NYNRIN: variants seen among roughly 807,000 people sequenced by gnomAD.
NYNRIN encodes NYN domain and retroviral integrase containing, also known as protein NYNRIN.
Under a neutral mutation model 146.6 loss-of-function variants are expected in NYNRIN, and 86 were observed. That is an observed-to-expected ratio of 0.59 (90% confidence interval 0.49 to 0.70). The LOEUF (loss-of-function observed/expected upper bound fraction) is 0.70. NYNRIN is among the 30% of genes least tolerant of loss of function. The pLI is 0.00. For synonymous variants in NYNRIN, 1,027 were observed against 1,001.3 expected, an observed-to-expected ratio of 1.03 and a Z score of -0.48; for missense variants, 2,191 against 2,377.7, an observed-to-expected ratio of 0.92 and a Z score of 1.63.
rs778419782 is a variant in NYNRIN, at chr14:24,415,616, C to A, written c.3867C>A (p.Ala1289=). The A allele has an allele frequency of 1.9e-6, 3 of 1,614,018 alleles. No homozygotes were observed. Among genetic ancestry groups the A allele is most frequent in the Non-Finnish European group, 2.5e-6 (3 of 1,179,902 alleles). ...AGAACCGCCTGCTCACCCCCGCGGC[C>A]TCCATGCCTCGCTTCTTCCAGGTTC... ...LGENRLLTPA[A]SMPRFFQVLP... is the part of the protein sequence containing the mutation. Residue 1289 remains alanine, a synonymous_variant, in exon 9 of 9, where the codon GCC becomes GCA. Coordinates refer to ENST00000382554, the MANE Select transcript of NYNRIN (RefSeq NM_025081.3).
chr14:24,408,267 G>T lies in NYNRIN; in HGVS notation c.597G>T (p.Lys199Asn). Reference protein sequence around the residue: ...LLSLVRDAAGKEDIIEWLSRF... With the variant: ...LLSLVRDAAGNEDIIEWLSRF... ...GCCTGGTGCGGGATGCTGCGGGCAAGGAAGACATCATCGAGTGGCTCAGCC... is the reference window on the plus strand; with the variant it reads ...GCCTGGTGCGGGATGCTGCGGGCAATGAAGACATCATCGAGTGGCTCAGCC... Residue 199 changes from lysine (K) to asparagine (N), a missense_variant, in exon 3 of 9, where the codon AAG becomes AAT. Transcript: ENST00000382554. 1 of 1,611,126 alleles carries T rather than the reference G, an allele frequency of 6.2e-7. No individual in the cohort carries two copies. Among genetic ancestry groups the T allele is most frequent in the Non-Finnish European group, 8.5e-7 (1 of 1,179,836 alleles).
Position 24,413,355 on chromosome 14 carries a change from G to A in NYNRIN, c.2784G>A (p.Val928=). Residue 928 remains valine, a synonymous_variant, in exon 8 of 9, where the codon GTG becomes GTA. Transcript: ENST00000382554. ...PFTFAGNLFM[V]PDDPLGRDGP... ...CCTTTGCGGGGAATCTCTTCATGGT[G>A]CCTGATGACCCCCTGGGCCGTGATG... 6.2e-7 allele frequency: 1 copy of A among 1,613,600 alleles called. No homozygotes were observed. The highest frequency in any genetic ancestry group is 8.5e-7 in the Non-Finnish European group (1 of 1,179,748).
At chr14:24,403,329 A>G (rs901702773) in intron 2 of NYNRIN, among the ~76,000 whole-genome samples, 6 of 152,170 alleles carry the variant, frequency 3.9e-5, no homozygotes, top group East Asian at 1.9e-4. Flanking sequence ...AGGTCAGTCT[A>G]TCAGTTCAAG....
rs139716312 is a variant in NYNRIN at position 24,407,967 on chromosome 14, G to T, written c.297G>T (p.Leu99=). Residue 99 remains leucine (L), a synonymous_variant, in exon 3 of 9, where the codon CTG becomes CTT. Transcript: ENST00000382554. ...CAFLGAQGLF[L]DCLCWSTLAY... Reference sequence around the variant, plus strand: ...TCCTTGGGGCCCAAGGCCTCTTCCTGGACTGCCTCTGCTGGAGCACCCTTG... The same window carrying T: ...TCCTTGGGGCCCAAGGCCTCTTCCTTGACTGCCTCTGCTGGAGCACCCTTG... 1 of 1,614,014 alleles carries T rather than the reference G, an allele frequency of 6.2e-7. No individual in the cohort carries two copies. The highest frequency in any genetic ancestry group is 8.5e-7 in the Non-Finnish European group (1 of 1,179,882).
In NYNRIN at chr14:24,409,699, A is replaced by G; in HGVS notation, c.1905A>G (p.Thr635=). The change falls in exon 4 of 9, where the codon ACA becomes ACG. Residue 635 remains threonine (T), a synonymous_variant. Transcript: ENST00000382554. ...PQAQKMPVAK[T]SPAGPKTPKA... ...CTCAGAAGATGCCTGTAGCAAAAACATCACCTGCAGGTCCCAAAACACCCA... is the reference window on the plus strand; with the variant it reads ...CTCAGAAGATGCCTGTAGCAAAAACGTCACCTGCAGGTCCCAAAACACCCA... The G allele has an allele frequency of 6.2e-7, 1 of 1,605,988 alleles. No homozygotes were observed. Among genetic ancestry groups the G allele is most frequent in the Non-Finnish European group, 8.5e-7 (1 of 1,176,174 alleles).
rs761563648 is a variant in NYNRIN at position 24,416,103 on chromosome 14, G to T, written c.4354G>T (p.Gly1452Cys). 8 of 1,613,982 alleles carry T rather than the reference G, an allele frequency of 5.0e-6. No homozygotes were observed. The highest frequency in any genetic ancestry group is 1.1e-5 in the South Asian group (1 of 91,090). Residue 1452 changes from glycine to cysteine, a missense_variant, in exon 9 of 9, where the codon GGT becomes TGT. Transcript: ENST00000382554. ...CCTGGCCAAGCAGGGTGCCCAGGGG[G>T]GTGGGCAGTGGTGGAGTTTGCCAAA... ...DTLAKQGAQG[G>C]GQWWSLPKDV...
chr14:24,409,405 TCAAA>T lies in NYNRIN; in HGVS notation c.1614_1617del (p.Thr539CysfsTer36). ...TGACAGATCAGTCAGTACCTGGAGC[TCAAA>T]CAGTGCCTGAAACTCTCAAAGTGCC... On this transcript the variant is annotated frameshift_variant, in exon 4 of 9. Transcript: ENST00000382554. LOFTEE classifies it high-confidence loss of function. 6.2e-7 allele frequency: 1 copy of T among 1,613,962 alleles called. No individual in the cohort carries two copies. Among genetic ancestry groups the T allele is most frequent in the South Asian group, 1.1e-5 (1 of 91,082 alleles).
At position 24,410,028 on chromosome 14, in the gene NYNRIN, T is replaced by G; in HGVS notation, c.2234T>G (p.Leu745Arg). 1 of 1,613,806 alleles carries G rather than the reference T, an allele frequency of 6.2e-7. No individual in the cohort carries two copies. Among genetic ancestry groups the G allele is most frequent in the Non-Finnish European group, 8.5e-7 (1 of 1,179,842 alleles). ...SKHQFQMEGL[L>R]GAWEGAPRQP... ...CACCAGTTTCAGATGGAGGGGCTCCTGGGGGCTTGGGAGGGGGCCCCAAGG... is the reference window on the plus strand; with the variant it reads ...CACCAGTTTCAGATGGAGGGGCTCCGGGGGGCTTGGGAGGGGGCCCCAAGG... The change falls in exon 4 of 9, where the codon CTG becomes CGG. Residue 745 changes from leucine to arginine, a missense_variant. Physicochemically the swap from Leu to Arg is moderately radical, Grantham distance 102 (BLOSUM62 -2). Transcript: ENST00000382554.
In NYNRIN at chr14:24,417,919, A is replaced by G. The variant is rs2042959830; in HGVS notation, c.*473A>G. ...CTCCCTCCAACCTGTTCTTTTGGGGACCCTTTGCCCTTAGAGCTGTCACAG... is the reference window on the plus strand; with the variant it reads ...CTCCCTCCAACCTGTTCTTTTGGGGGCCCTTTGCCCTTAGAGCTGTCACAG... On this transcript the variant is annotated 3_prime_UTR_variant, in exon 9 of 9. Transcript: ENST00000382554. 3 of 207,364 alleles carry G rather than the reference A, an allele frequency of 1.4e-5. No homozygotes were observed. The Admixed American group carries it at 1.6e-4, about 11-fold the overall frequency. 12.8% of individuals were successfully genotyped at this position (207,364 alleles called of 1,614,324 possible).
In NYNRIN at chr14:24,411,487, G is replaced by A. The variant is rs374012326; in HGVS notation, c.2642+37G>A. ...CCCAGGCCTGCCCTCCTGGGCTCAG[G>A]GAGTTGGGCCTGGCTGGTGTGTCAG... is the stretch of plus-strand genomic sequence containing the variant. On this transcript the variant is annotated intron_variant, in intron 6 of 8. Transcript: ENST00000382554. This position sits in a 1 kb window ranked among gnomAD's most constrained non-coding sequence, Gnocchi z 4.3. 3.2e-6 allele frequency: 5 copies of A among 1,579,718 alleles called. No individual in the cohort carries two copies. The highest frequency in any genetic ancestry group is 1.3e-5 in the African/African-American group (1 of 74,200).
chr14:24,410,383 A>G (rs2042905511), intron 4 of NYNRIN, among the ~76,000 whole-genome samples, 175 bp downstream of exon 4: 1 of 152,230 alleles, frequency 6.6e-6, no homozygotes, highest in Non-Finnish European at 1.5e-5. Context: ...GGCAGTGTGC[A>G]TGGAATCCTC....
intron 2 of NYNRIN, among the ~76,000 whole-genome samples, chr14:24,400,382 G>T (rs2042834195): frequency 6.6e-6 from 1 of 152,168 alleles, no homozygotes; most frequent in Non-Finnish European, 1.5e-5. Context: ...CTTCTTTGTA[G>T]GAATGCCACA....
Position 24,416,845 on chromosome 14 carries a change from C to T in NYNRIN, c.5096C>T (p.Ala1699Val). The T allele has an allele frequency of 6.2e-6, 10 of 1,608,876 alleles. No individual in the cohort carries two copies. The highest frequency in any genetic ancestry group is 7.6e-6 in the Non-Finnish European group (9 of 1,176,858). The change falls in exon 9 of 9, where the codon GCC becomes GTC. Residue 1699 changes from alanine (A) to valine (V), a missense_variant. Ala to Val is a moderately conservative substitution (Grantham distance 64). Coordinates refer to ENST00000382554, the MANE Select transcript of NYNRIN (RefSeq NM_025081.3). ...VLVSCGLALG[A>V]QVASLSRDLQ... Reference sequence around the variant, plus strand: ...GTGAGCTGTGGGCTGGCCCTGGGAGCCCAGGTGGCCTCCCTGAGTCGGGAC... The same window carrying T: ...GTGAGCTGTGGGCTGGCCCTGGGAGTCCAGGTGGCCTCCCTGAGTCGGGAC...
At position 24,399,370 on chromosome 14, in the gene NYNRIN, T is replaced by C. The variant is rs771121136; in HGVS notation, c.124T>C (p.Phe42Leu). 1 of 1,613,690 alleles carries C rather than the reference T, an allele frequency of 6.2e-7. No homozygotes were observed. The change falls in exon 2 of 9, where the codon TTC (phenylalanine) becomes CTC (leucine). Residue 42 changes from phenylalanine (F) to leucine (L), a missense_variant. This residue lies in a region of NYNRIN where 895 missense variants were observed against 941.2 expected (regional missense o/e 0.95). Transcript: ENST00000382554. ...QRIFRVKLNA[F>L]QSRPDTPYFW... ...CATCTTTAGGGTCAAGCTGAACGCC[T>C]TCCAGAGCCGCCCGGACACCCCCTA... is the stretch of plus-strand genomic sequence containing the variant.
chr14:24,401,222 C>T (rs551167528), intron 2 of NYNRIN, among the ~76,000 whole-genome samples: 29 of 152,356 alleles, frequency 1.9e-4, no homozygotes, highest in African/African-American at 6.0e-4. Context: ...ACACCTCAGG[C>T]TCCCACTGTA....
rs767145009 is a variant in NYNRIN, at chr14:24,416,721, G to A, written c.4972G>A (p.Ala1658Thr). The A allele has an allele frequency of 3.7e-6, 6 of 1,613,952 alleles. No homozygotes were observed. Among genetic ancestry groups the A allele is most frequent in the Admixed American group, 1.7e-5 (1 of 60,032 alleles). ...AFPLKPYTHT[A>T]VAQVLLQHVF... ...CCCCCTGAAGCCCTACACACACACG[G>A]CTGTGGCCCAGGTGCTGCTTCAGCA... Residue 1658 changes from alanine (A) to threonine (T), a missense_variant, in exon 9 of 9, where the codon GCT becomes ACT. By Grantham distance (58) the Ala-to-Thr change is moderately conservative. Around this residue, in one of 3 missense-constraint regions of NYNRIN, gnomAD observed 1,291 missense variants for 1,417.0 expected, o/e 0.91. Transcript: ENST00000382554.
chr14:24,410,880 C>T (rs1035954404), intron 4 of NYNRIN, among the ~76,000 whole-genome samples, 196 bp from the exon 5 acceptor site: 2 of 152,134 alleles, frequency 1.3e-5, no homozygotes, highest in African/African-American at 4.8e-5. Flanking sequence ...CACACACACA[C>T]ATGCACGCGC....
At chr14:24,403,142 T>C (rs2042855402) in intron 2 of NYNRIN, among the ~76,000 whole-genome samples, 1 of 152,250 alleles carries the variant, frequency 6.6e-6, no homozygotes, top group South Asian at 2.1e-4. Flanking sequence ...CATTATGCCT[T>C]GCACATAGCG....
At position 24,417,443 on chromosome 14, in the gene NYNRIN, G is replaced by A. The variant is rs1218530793; in HGVS notation, c.5694G>A (p.Gln1898=). Reference sequence around the variant, plus strand: ...CGCTGTCCTTCAAGGTCTTGGAGCAGTGAGCGGGAGCAGCGGGGGTGCCCC... The same window carrying A: ...CGCTGTCCTTCAAGGTCTTGGAGCAATGAGCGGGAGCAGCGGGGGTGCCCC... ...GTPLSFKVLE[Q] The change falls in exon 9 of 9, where the codon CAG becomes CAA. Residue 1898 remains glutamine, a synonymous_variant. Coordinates refer to ENST00000382554, the MANE Select transcript of NYNRIN (RefSeq NM_025081.3). 6.8e-7 allele frequency: 1 copy of A among 1,478,300 alleles called. No homozygotes were observed. The highest frequency in any genetic ancestry group is 2.5e-5 in the East Asian group (1 of 40,760). 91.6% of individuals were successfully genotyped at this position (1,478,300 alleles called of 1,614,324 possible). A position where few individuals can be genotyped will look rare whatever the true frequency, so the allele number is the denominator to read the frequency against.
Sources: allele counts gnomAD v4.1 joint callset (sites outside exome capture counted in the v4.1 genomes callset), GRCh38; gene constraint gnomAD v4.1.1; regional missense constraint gnomAD v4.1.1; non-coding constraint Gnocchi (gnomAD v3.1); transcripts MANE v1.5; gene names NCBI Gene and HGNC (gene_info 2026-07-23, HGNC 2026-07-21).